The following CD8B variants were observed in gnomAD, a reference collection of about 807,000 sequenced individuals.
The protein encoded by CD8B is T-cell surface glycoprotein CD8 beta chain.
In CD8B, 6 loss-of-function variants were observed where a neutral mutation model predicts 24.2. The ratio of observed to expected loss-of-function variants is 0.25; its 90% CI spans 0.14 to 0.49. The LOEUF is 0.49. Ranked by LOEUF, CD8B falls within the 20% of genes least tolerant of loss-of-function variation. The pLI, the probability that CD8B is intolerant of heterozygous loss-of-function variation, is 0.98. For missense variants in CD8B, 196 were observed against 271.3 expected, an observed-to-expected ratio of 0.72 and a Z score of 1.95; for synonymous variants, 84 against 108.3, an observed-to-expected ratio of 0.78 and a Z score of 1.39.
chr2:86,859,429 G>A (rs989769190), intron 1 of CD8B, among the ~76,000 whole-genome samples: 4 of 152,178 alleles, frequency 2.6e-5, no homozygotes, highest in African/African-American at 7.2e-5. Flanking sequence ...GCCAGTCACC[G>A]AGCCTCTGTC....
intron 3 of CD8B, among the ~76,000 whole-genome samples, chr2:86,847,773 C>A (rs1675758776): frequency 6.6e-6 from 1 of 152,166 alleles, no homozygotes. Context: ...ACCACGTTGG[C>A]CAGGATGGTC....
At chr2:86,861,690 C>A in intron 1 of CD8B, 133 bp downstream of exon 1, 1 of 554,704 alleles carries the variant, frequency 1.8e-6, no homozygotes. Flanking sequence ...GCCAAGCTGC[C>A]TCCCGGGCGC....
intron 5 of CD8B, among the ~76,000 whole-genome samples, chr2:86,823,813 G>A (rs1439680017): frequency 6.6e-6 from 1 of 152,094 alleles, no homozygotes; most frequent in African/African-American, 2.4e-5. Flanking sequence ...AAAGAATGAC[G>A]GAGAGTGAGA....
At chr2:86,861,014 T>C (rs1409596131) in intron 1 of CD8B, among the ~76,000 whole-genome samples, 3 of 152,188 alleles carry the variant, frequency 2.0e-5, no homozygotes, top group Non-Finnish European at 4.4e-5. Flanking sequence ...GTAATGACTT[T>C]AGTGCTCTGA....
At chr2:86,857,240 A>G (rs1292113308) in intron 2 of CD8B, among the ~76,000 whole-genome samples, 1 of 152,182 alleles carries the variant, frequency 6.6e-6, no homozygotes, top group East Asian at 1.9e-4. Flanking sequence ...AGAGAACATA[A>G]GGGCACCTGC....
intron 2 of CD8B, among the ~76,000 whole-genome samples, chr2:86,856,732 AATGCCTTCTGTCCAATATGCCACAGGTG>A (rs1452168747): frequency 6.6e-6 from 1 of 151,352 alleles, no homozygotes; most frequent in Non-Finnish European, 1.5e-5. Flanking sequence ...CCCATAACTA[AATGCCTTCTGTCCAATATGCCACAGGTG>A]CTGCTGAGCA....
chr2:86,854,400 AAT>A (rs1676128317), intron 2 of CD8B, among the ~76,000 whole-genome samples: 1 of 152,074 alleles, frequency 6.6e-6, no homozygotes, highest in South Asian at 2.1e-4. Flanking sequence ...ATGGCCCTAA[AAT>A]ATATATATAA....
Position 86,839,386 on chromosome 2 carries a change from C to T in CD8B, c.*2921G>A, listed in dbSNP as rs1675314165. On this transcript the variant is annotated 3_prime_UTR_variant, in exon 6 of 6. Transcript: ENST00000390655. ...GATGCGTATTTCTTTGTGCATGCCA[C>T]TTTTTGATGTATTTCTTTCAGATAA... 6.6e-6 allele frequency among the ~76,000 whole-genome samples: 1 copy of T among 152,182 alleles called. No homozygotes were observed. The highest frequency in any genetic ancestry group is 2.4e-5 in the African/African-American group (1 of 41,444).
downstream of CD8B, among the ~76,000 whole-genome samples, chr2:86,836,305 G>A (rs561751193): frequency 6.6e-6 from 1 of 152,276 alleles, no homozygotes; most frequent in East Asian, 1.9e-4. Flanking sequence ...GAAAGAGCCA[G>A]AGGACCCCCA....
chr2:86,831,261 T>G (rs1160204571), intron 5 of CD8B, among the ~76,000 whole-genome samples: 1 of 152,184 alleles, frequency 6.6e-6, no homozygotes, highest in African/African-American at 2.4e-5. Context: ...AGAAACGGGT[T>G]TCACCATATT....
intron 1 of CD8B, among the ~76,000 whole-genome samples, chr2:86,861,290 A>G (rs1402795574): frequency 6.6e-6 from 1 of 152,080 alleles, no homozygotes. Context: ...CACGCTACCC[A>G]TGACACCCAA....
At chr2:86,837,487 G>A (rs1168117081), downstream of CD8B, among the ~76,000 whole-genome samples, 7 of 152,190 alleles carry the variant, frequency 4.6e-5, no homozygotes, top group East Asian at 3.9e-4. Context: ...TGTCAGTGAC[G>A]CATCGAAGGA....
At chr2:86,854,768 G>A (rs1381717272) in intron 2 of CD8B, among the ~76,000 whole-genome samples, 1 of 151,416 alleles carries the variant, frequency 6.6e-6, no homozygotes, top group Non-Finnish European at 1.5e-5. Context: ...AGGGAGTAAG[G>A]AGACACCATG....
chr2:86,824,553 G>A (rs1674603938), intron 5 of CD8B, among the ~76,000 whole-genome samples: 1 of 152,186 alleles, frequency 6.6e-6, no homozygotes, highest in African/African-American at 2.4e-5. Context: ...GCCTCCCCCT[G>A]CACAAACCTG....
At chr2:86,822,851 T>C (rs537699112) in intron 5 of CD8B, among the ~76,000 whole-genome samples, 1 of 152,340 alleles carries the variant, frequency 6.6e-6, no homozygotes, top group African/African-American at 2.4e-5. Flanking sequence ...TCACTTCTTA[T>C]CTCATGTTGT....
chr2:86,815,653 G>C, exon 6 of CD8B: 1 of 1,613,602 alleles, frequency 6.2e-7, no homozygotes, highest in Non-Finnish European at 8.5e-7. Flanking sequence ...TGAGGTTGTA[G>C]TATTGCTGTA....
intron 2 of CD8B, among the ~76,000 whole-genome samples, chr2:86,854,509 C>T (rs1676136547): frequency 6.6e-6 from 1 of 152,172 alleles, no homozygotes; most frequent in African/African-American, 2.4e-5. Flanking sequence ...GTGGTGAGTG[C>T]TGTGTTGGGA....
At position 86,841,816 on chromosome 2, in the gene CD8B, T is replaced by C; in HGVS notation, c.*491A>G. ...CCTTCTGGGAACTGGACAGCCCCTC[T>C]CAGCAAGCCTCATTCCCAACCTGCA... On this transcript the variant is annotated 3_prime_UTR_variant, in exon 6 of 6. Transcript: ENST00000390655. The C allele has an allele frequency of 1.0e-6, 1 of 985,720 alleles. No homozygotes were observed. The highest frequency in any genetic ancestry group is 1.2e-6 in the Non-Finnish European group (1 of 830,232). The allele number at this position is 985,720 out of a possible 1,614,324, so 61.1% of individuals were successfully genotyped here.
intron 3 of CD8B, among the ~76,000 whole-genome samples, chr2:86,849,181 A>G (rs1472753398): frequency 6.6e-6 from 1 of 152,284 alleles, no homozygotes; most frequent in African/African-American, 2.4e-5. Context: ...CCTCAGCTGC[A>G]TGAGGGCATG....
Sources: gnomAD v4.1 joint callset for allele counts (sites outside exome capture counted in the v4.1 genomes callset) on GRCh38, gnomAD v4.1.1 for gene constraint, MANE v1.5 for transcripts, NCBI Gene and HGNC (gene_info 2026-07-23, HGNC 2026-07-21) for gene names.